ZNF782: variants seen among roughly 807,000 people sequenced by gnomAD.
ZNF782 encodes the protein zinc finger protein 782.
ZNF782 carries 12 observed loss-of-function variants against 13.0 expected under a neutral mutation model. The ratio of observed to expected loss-of-function variants is 0.92; its 90% CI spans 0.59 to 1.50. The LOEUF is 1.50. Among genes scored for constraint, ZNF782 ranks in the 40% most tolerant of loss-of-function variants. The pLI, the probability that ZNF782 is intolerant of heterozygous loss-of-function variation, is 0.00. For missense variants in ZNF782, 770 were observed against 822.9 expected (o/e 0.94, Z 0.79); for synonymous variants, 284 against 283.0 (o/e 1.00, Z -0.04).
the ZNF782 span, among the ~76,000 whole-genome samples, chr9:96,902,421 C>CAAA: frequency 1.0e-3 from 70 of 70,078 alleles, 1 homozygote; most frequent in African/African-American, 7.3e-3. Context: ...ATCTCCATCT[C>CAAA]AAAAAAAAAA....
At position 96,818,703 on chromosome 9, in the gene ZNF782, G is replaced by A. The variant is rs767492443; in HGVS notation, c.1320C>T (p.His440=). The change falls in exon 6 of 6, where the codon CAC becomes CAT. Residue 440 remains histidine (H), a synonymous_variant. Coordinates refer to ENST00000481138, the MANE Select transcript of ZNF782 (RefSeq NM_001001662.3). ...AFSAKSGLRI[H]QRTHTGEKPF... The stretch of plus-strand genomic sequence containing the variant: ...GTTTCTCCCCTGTGTGGGTTCTCTG[G>A]TGTATTCTTAGGCCTGACTTTGCAC... 6 of 1,613,148 alleles carry A rather than the reference G, an allele frequency of 3.7e-6. No individual in the cohort carries two copies. Among genetic ancestry groups the A allele is most frequent in the East Asian group, 2.2e-5 (1 of 44,822 alleles).
At chr9:96,884,594 G>C in the ZNF782 span, among the ~76,000 whole-genome samples, 2 of 152,002 alleles carry the variant, frequency 1.3e-5, no homozygotes, top group South Asian at 4.2e-4. Flanking sequence ...GCCAGTCAGG[G>C]AGCTGGTCAC....
chr9:96,868,217 T>C (rs1192729695), intron 1 of ZNF782, among the ~76,000 whole-genome samples: 1 of 152,258 alleles, frequency 6.6e-6, no homozygotes, highest in Non-Finnish European at 1.5e-5. Flanking sequence ...GGAATACTGA[T>C]AGGATTTCCC....
Position 96,827,241 on chromosome 9 carries a change from T to A in ZNF782, c.143-60A>T. On this transcript the variant is annotated intron_variant, in intron 4 of 5. Transcript: ENST00000481138. ...TTGCATAGGTTCTACTGTTTCTGAATGTGAAGAAGGTACAGCTTCAGAAGG... is the reference window on the plus strand; with the variant it reads ...TTGCATAGGTTCTACTGTTTCTGAAAGTGAAGAAGGTACAGCTTCAGAAGG... 2.3e-6 allele frequency: 3 copies of A among 1,278,764 alleles called. No homozygotes were observed. In the South Asian group the frequency reaches 4.1e-5, roughly 17 times the overall value. The allele number at this position is 1,278,764 out of a possible 1,614,324, so 79.2% of individuals were successfully genotyped here.
the ZNF782 span, among the ~76,000 whole-genome samples, chr9:96,903,990 C>A: frequency 6.6e-6 from 1 of 151,998 alleles, no homozygotes; most frequent in Non-Finnish European, 1.5e-5. Context: ...TCCATTCCCA[C>A]CAGAAATGTG....
chr9:96,926,667 G>C, the ZNF782 span, among the ~76,000 whole-genome samples: 1 of 152,014 alleles, frequency 6.6e-6, no homozygotes, highest in Non-Finnish European at 1.5e-5. Flanking sequence ...TATTGGATAG[G>C]AGTTAGGAAA....
chr9:96,872,164 G>A (rs1198478378), intron 1 of ZNF782, among the ~76,000 whole-genome samples: 2 of 152,156 alleles, frequency 1.3e-5, no homozygotes, highest in Non-Finnish European at 2.9e-5. Context: ...TTTTCAAAAG[G>A]TAAATGCTAC....
At chr9:96,933,196 T>G in the ZNF782 span, among the ~76,000 whole-genome samples, 3 of 150,350 alleles carry the variant, frequency 2.0e-5, no homozygotes, top group Non-Finnish European at 3.0e-5. Flanking sequence ...GCCAGGATGC[T>G]CTCAATCTCC....
Position 96,818,169 on chromosome 9 carries a change from A to G in ZNF782, c.1854T>C (p.Tyr618=), listed in dbSNP as rs1850240130. 1 of 1,613,822 alleles carries G rather than the reference A, an allele frequency of 6.2e-7. No individual in the cohort carries two copies. ...AAGCTTTTCCACATTCATTACATTC[A>G]TAGGGCTTCTCCCCAGTGTGAGTTC... ...HQRTHTGEKP[Y]ECNECGKAFS... The change falls in exon 6 of 6, where the codon TAT becomes TAC. Residue 618 remains tyrosine (Y), a synonymous_variant. Coordinates refer to ENST00000481138, the MANE Select transcript of ZNF782 (RefSeq NM_001001662.3).
the ZNF782 span, chr9:96,932,020 C>G: frequency 6.2e-7 from 1 of 1,610,092 alleles, no homozygotes; most frequent in South Asian, 1.1e-5. Context: ...TAACTCAGGC[C>G]CCCCTCGTCT....
intron 1 of ZNF782, among the ~76,000 whole-genome samples, chr9:96,872,941 G>A (rs1378422952): frequency 6.6e-6 from 1 of 152,176 alleles, no homozygotes; most frequent in Non-Finnish European, 1.5e-5. Context: ...TTTTCAAACA[G>A]TTACACAGAA....
chr9:96,838,122 T>C (rs890910986), intron 4 of ZNF782, among the ~76,000 whole-genome samples: 18 of 152,246 alleles, frequency 1.2e-4, no homozygotes, highest in Non-Finnish European at 4.4e-5. Flanking sequence ...CAAAAAATTA[T>C]ACTGAGAATT....
chr9:96,841,938 G>C (rs1159252619), intron 4 of ZNF782, among the ~76,000 whole-genome samples: 1 of 151,920 alleles, frequency 6.6e-6, no homozygotes, highest in South Asian at 2.1e-4. Context: ...TATATGACAT[G>C]ATAGCTTATG....
chr9:96,922,547 C>G, the ZNF782 span, among the ~76,000 whole-genome samples: 1 of 152,300 alleles, frequency 6.6e-6, no homozygotes, highest in African/African-American at 2.4e-5. Flanking sequence ...CCGAGGCAGG[C>G]GGATCACGAG....
the ZNF782 span, chr9:96,892,788 T>C: frequency 6.6e-6 from 1 of 152,218 alleles, no homozygotes; most frequent in Non-Finnish European, 1.5e-5. Context: ...GAAATATATC[T>C]GGCTTATATC....
chr9:96,917,838 C>T, the ZNF782 span, among the ~76,000 whole-genome samples: 6 of 151,006 alleles, frequency 4.0e-5, no homozygotes, highest in South Asian at 1.3e-3. Flanking sequence ...ATCCTCCTGC[C>T]TCAGCTTCCT....
At chr9:96,920,416 A>G in the ZNF782 span, among the ~76,000 whole-genome samples, 14 of 149,406 alleles carry the variant, frequency 9.4e-5, no homozygotes, top group Admixed American at 4.7e-4. Context: ...ACAGGCGCCC[A>G]CCACCATGCC....
At chr9:96,926,507 TC>T in the ZNF782 span, among the ~76,000 whole-genome samples, 1 of 152,092 alleles carries the variant, frequency 6.6e-6, no homozygotes, top group Non-Finnish European at 1.5e-5. Context: ...CAGCTCTGTC[TC>T]GGAGGACAAA....
At chr9:96,886,136 TCA>T in the ZNF782 span, among the ~76,000 whole-genome samples, 3 of 150,750 alleles carry the variant, frequency 2.0e-5, no homozygotes, top group East Asian at 5.9e-4. Flanking sequence ...GCATCAGCTA[TCA>T]CACCTGGCCC....
Sources: gnomAD v4.1 joint callset for allele counts (sites outside exome capture counted in the v4.1 genomes callset) on GRCh38, gnomAD v4.1.1 for gene constraint, MANE v1.5 for transcripts, NCBI Gene and HGNC (gene_info 2026-07-23, HGNC 2026-07-21) for gene names.